Variants in DLG2 observed in about 807,000 individuals in gnomAD.
DLG2 encodes discs large MAGUK scaffold protein 2.
Under a neutral mutation model 132.5 loss-of-function variants are expected in DLG2, and 45 were observed. The observed-to-expected ratio is 0.34, with a 90% CI of 0.27 to 0.44. The LOEUF (loss-of-function observed/expected upper bound fraction) is 0.44. Ranked by LOEUF, DLG2 falls within the 20% of genes least tolerant of loss-of-function variation. The pLI is 1.00. For synonymous variants in DLG2, 424 were observed against 419.6 expected (o/e 1.01, Z -0.13); for missense variants, 1,045 against 1,196.9 (o/e 0.87, Z 1.87).
At chr11:83,556,927 A>G (rs501139) in intron 19 of DLG2, among the ~76,000 whole-genome samples, 71,912 of 151,958 alleles carry the variant, frequency 0.47, 17,594 homozygotes, top group Admixed American at 0.57. Context: ...GGCCAGTGGT[A>G]CTTCAAACCA....
intron 4 of DLG2, among the ~76,000 whole-genome samples, chr11:85,159,015 A>G (rs2077822422): frequency 6.6e-6 from 1 of 152,174 alleles, no homozygotes. Flanking sequence ...GAAGGACCCT[A>G]CTACACTACC....
At chr11:85,277,649 G>A (rs2077974333) in intron 4 of DLG2, among the ~76,000 whole-genome samples, 1 of 152,094 alleles carries the variant, frequency 6.6e-6, no homozygotes, top group South Asian at 2.1e-4. Flanking sequence ...CTTCCTAGGT[G>A]ATTAATTTTG....
At chr11:84,418,267 A>G (rs191772163) in intron 7 of DLG2, among the ~76,000 whole-genome samples, 3 of 152,286 alleles carry the variant, frequency 2.0e-5, no homozygotes, top group Admixed American at 6.5e-5. Flanking sequence ...CCAGAATACA[A>G]CGTTATTTTC....
chr11:83,633,165 T>A, intron 19 of DLG2, 46 bp downstream of exon 19: 1 of 1,573,130 alleles, frequency 6.4e-7, no homozygotes, highest in Non-Finnish European at 8.7e-7. Flanking sequence ...TTTTCTCAAG[T>A]TGAATTGCTC....
chr11:85,214,883 A>G (rs557770591), intron 4 of DLG2, among the ~76,000 whole-genome samples: 10 of 152,326 alleles, frequency 6.6e-5, no homozygotes, highest in Admixed American at 2.0e-4. Flanking sequence ...TCTGAATGAT[A>G]AATCTTTTAT....
At chr11:85,352,394 G>T (rs916419726) in intron 3 of DLG2, among the ~76,000 whole-genome samples, 1 of 152,134 alleles carries the variant, frequency 6.6e-6, no homozygotes, top group South Asian at 2.1e-4. Flanking sequence ...AAGGGTTTTT[G>T]TGTCTCTATC....
chr11:84,075,971 AAAACTCAGAGCCTGAGGATGGTGGCAT>A (rs1426070386), intron 10 of DLG2, among the ~76,000 whole-genome samples: 1 of 152,236 alleles, frequency 6.6e-6, no homozygotes. Flanking sequence ...TTGTGGAGGC[AAAACTCAGAGCCTGAGGATGGTGGCAT>A]AAAGGATTAA....
chr11:85,369,246 A>G (rs1001205496), intron 3 of DLG2, among the ~76,000 whole-genome samples: 2 of 151,880 alleles, frequency 1.3e-5, no homozygotes, highest in African/African-American at 4.8e-5. Context: ...GCTGGGGTGT[A>G]TGGCCCAAGG....
At chr11:83,689,005 A>G (rs1270162556) in intron 18 of DLG2, among the ~76,000 whole-genome samples, 1 of 152,184 alleles carries the variant, frequency 6.6e-6, no homozygotes, top group East Asian at 1.9e-4. Context: ...TGCCAGAAGA[A>G]CGATGTAATC....
intron 3 of DLG2, among the ~76,000 whole-genome samples, chr11:85,506,841 T>C (rs947854990): frequency 2.0e-5 from 3 of 152,188 alleles, no homozygotes; most frequent in Non-Finnish European, 4.4e-5. Flanking sequence ...ACTATTACTG[T>C]GTGGGAGTCT....
intron 3 of DLG2, among the ~76,000 whole-genome samples, chr11:85,393,342 T>C (rs2086972355): frequency 6.6e-6 from 1 of 152,188 alleles, no homozygotes; most frequent in Admixed American, 6.5e-5. Flanking sequence ...AGCATGGATG[T>C]GGTGAAAAGG....
rs560706520 is a variant in DLG2, at chr11:85,570,190, C to T, written c.40+28467G>A. 1.5e-3 allele frequency among the ~76,000 whole-genome samples: 230 copies of T among 152,098 alleles called. 1 individual carries two copies. Among genetic ancestry groups the T allele is most frequent in the African/African-American group, 5.4e-3 (222 of 41,484 alleles). On this transcript the variant is annotated intron_variant, in intron 3 of 27. Coordinates refer to ENST00000376104, the MANE Select transcript of DLG2 (RefSeq NM_001142699.3). Reference sequence around the variant, plus strand: ...ACCCACTGTAAGCTTGATAGTTTTCCTATATATGAGATGGATGATGATATT... The same window carrying T: ...ACCCACTGTAAGCTTGATAGTTTTCTTATATATGAGATGGATGATGATATT...
chr11:83,499,852 GATATATATATAT>G lies in DLG2; in HGVS notation c.2194-15636_2194-15625del, dbSNP rs60890814. On this transcript the variant is annotated intron_variant, in intron 21 of 27. Transcript: ENST00000376104. ...ATATATATTTCCTCCACTAATAGGA[GATATATATATAT>G]ATATATATATATATATATATATATA... Among the ~76,000 whole-genome samples, 94 of 61,644 alleles carry G rather than the reference GATATATATATAT, an allele frequency of 1.5e-3. 1 individual carries two copies. Among genetic ancestry groups the G allele is most frequent in the Admixed American group, 3.9e-3 (15 of 3,890 alleles). 40.4% of individuals were successfully genotyped at this position (61,644 alleles called of 152,430 possible).
At chr11:84,979,465 T>A (rs1305536893) in intron 6 of DLG2, among the ~76,000 whole-genome samples, 1 of 152,182 alleles carries the variant, frequency 6.6e-6, no homozygotes, top group East Asian at 1.9e-4. Context: ...CACCATGGAA[T>A]ACTATGCAGC....
At chr11:84,350,927 T>C (rs1306738063) in intron 7 of DLG2, among the ~76,000 whole-genome samples, 3 of 152,196 alleles carry the variant, frequency 2.0e-5, no homozygotes, top group Admixed American at 6.5e-5. Flanking sequence ...AATGTTTTCC[T>C]ATTCCTATCC....
intron 19 of DLG2, among the ~76,000 whole-genome samples, chr11:83,587,293 C>G (rs146515789): frequency 0.027 from 4,025 of 150,928 alleles, 205 homozygotes; most frequent in African/African-American, 0.093. Flanking sequence ...TAATTTGAGA[C>G]AGGGTCTTGC....
intron 3 of DLG2, among the ~76,000 whole-genome samples, chr11:85,411,098 C>A (rs1200944028): frequency 1.3e-5 from 2 of 151,684 alleles, no homozygotes; most frequent in Non-Finnish European, 2.9e-5. Context: ...AGGGAATATT[C>A]TTCAGAGCAG....
chr11:85,215,274 G>T (rs976964726), intron 4 of DLG2, among the ~76,000 whole-genome samples: 1 of 152,048 alleles, frequency 6.6e-6, no homozygotes, highest in Non-Finnish European at 1.5e-5. Context: ...GGCATTATGG[G>T]TGCTTACTAA....
At chr11:83,624,902 T>G (rs1361453471) in intron 19 of DLG2, among the ~76,000 whole-genome samples, 1 of 152,192 alleles carries the variant, frequency 6.6e-6, no homozygotes, top group African/African-American at 2.4e-5. Flanking sequence ...GACTTCCTGC[T>G]TCATCCTGTT....
Sources: gnomAD v4.1 joint callset for allele counts (sites outside exome capture counted in the v4.1 genomes callset) on GRCh38, gnomAD v4.1.1 for gene constraint, MANE v1.5 for transcripts, NCBI Gene and HGNC (gene_info 2026-07-23, HGNC 2026-07-21) for gene names.